ROBO2: variants seen among roughly 807,000 people sequenced by gnomAD.
ROBO2 encodes the protein roundabout guidance receptor 2.
ROBO2 carries 53 observed loss-of-function variants against 160.8 expected under a neutral mutation model. The ratio of observed to expected loss-of-function variants is 0.33; its 90% CI spans 0.26 to 0.41. The LOEUF (loss-of-function observed/expected upper bound fraction) is 0.41. Ranked by LOEUF, ROBO2 falls within the 10% of genes least tolerant of loss-of-function variation. The pLI, the probability that ROBO2 is intolerant of heterozygous loss-of-function variation, is 1.00. For synonymous variants in ROBO2, 664 were observed against 611.7 expected (o/e 1.09, Z -1.26); for missense variants, 1,577 against 1,722.4 (o/e 0.92, Z 1.49).
chr3:76,423,649 C>T (rs1305714906), intron 2 of ROBO2, among the ~76,000 whole-genome samples: 1 of 151,978 alleles, frequency 6.6e-6, no homozygotes, highest in African/African-American at 2.4e-5. Flanking sequence ...AATTTTATAA[C>T]CTGAGAATTT....
At chr3:77,190,434 TA>T (rs1388744950) in intron 2 of ROBO2, among the ~76,000 whole-genome samples, 1 of 152,030 alleles carries the variant, frequency 6.6e-6, no homozygotes, top group Non-Finnish European at 1.5e-5. Flanking sequence ...GAGTGCTCTA[TA>T]AACAGATTCC....
intron 2 of ROBO2, among the ~76,000 whole-genome samples, chr3:76,025,632 C>T (rs1308995435): frequency 6.6e-6 from 1 of 151,662 alleles, no homozygotes; most frequent in African/African-American, 2.4e-5. Context: ...CATTTGTAAA[C>T]TCTAAAAACA....
At chr3:76,177,362 A>G (rs1399438650) in intron 2 of ROBO2, among the ~76,000 whole-genome samples, 1 of 152,198 alleles carries the variant, frequency 6.6e-6, no homozygotes, top group East Asian at 1.9e-4. Flanking sequence ...AAACAATTGG[A>G]CCTAATTCTA....
chr3:75,911,322 T>C (rs1946572011), intron 1 of ROBO2, among the ~76,000 whole-genome samples: 2 of 152,264 alleles, frequency 1.3e-5, no homozygotes, highest in African/African-American at 2.4e-5. Flanking sequence ...TTGTTAGCTA[T>C]ATGAGCTTGA....
At chr3:76,037,754 T>A (rs1026323598) in intron 2 of ROBO2, among the ~76,000 whole-genome samples, 5 of 152,058 alleles carry the variant, frequency 3.3e-5, no homozygotes, top group Non-Finnish European at 7.3e-5. Flanking sequence ...TAAATAATTT[T>A]GTCATTTGAA....
intron 2 of ROBO2, among the ~76,000 whole-genome samples, chr3:76,293,010 T>A (rs997377077): frequency 6.6e-6 from 1 of 151,866 alleles, no homozygotes; most frequent in Non-Finnish European, 1.5e-5. Flanking sequence ...TGTTATAACA[T>A]AAAAATTTTA....
intron 1 of ROBO2, among the ~76,000 whole-genome samples, chr3:77,089,639 AATTT>A (rs1236397317): frequency 6.6e-6 from 1 of 152,204 alleles, no homozygotes; most frequent in Non-Finnish European, 1.5e-5. Context: ...TAATCTTATA[AATTT>A]ATTTAGGCCA....
intron 2 of ROBO2, among the ~76,000 whole-genome samples, chr3:77,015,314 A>G (rs1441919137): frequency 1.3e-5 from 2 of 152,224 alleles, no homozygotes; most frequent in Non-Finnish European, 2.9e-5. Flanking sequence ...ACCAATTTGT[A>G]ATGAAAGAGC....
chr3:77,538,301 CCCGAGT>C (rs2092279279), intron 6 of ROBO2, among the ~76,000 whole-genome samples: 1 of 150,842 alleles, frequency 6.6e-6, no homozygotes, highest in Admixed American at 6.6e-5. Flanking sequence ...GCCTCAGCCT[CCCGAGT>C]AGCTGGGACT....
At chr3:76,032,296 C>CA (rs200947810) in intron 2 of ROBO2, among the ~76,000 whole-genome samples, 2,326 of 151,928 alleles carry the variant, frequency 0.015, 51 homozygotes, top group African/African-American at 0.052. Flanking sequence ...GTTGATCTTT[C>CA]AAAAAAACCA....
At chr3:76,258,298 AT>A (rs912789809) in intron 2 of ROBO2, among the ~76,000 whole-genome samples, 80 of 151,860 alleles carry the variant, frequency 5.3e-4, no homozygotes, top group Middle Eastern at 3.5e-3. Context: ...CTAAGTTCTT[AT>A]TTTTTCTGCA....
At position 77,475,068 on chromosome 3, in the gene ROBO2, T is replaced by TGAGAGAGAGAGA. The variant is rs71104689; in HGVS notation, c.389-2341_389-2330dup. Reference sequence around the variant, plus strand: ...CCTGCTGAAAAGCATGTTTTTCAACTGAGAGAGAGAGAGAGAAGAAACATA... The same window carrying TGAGAGAGAGAGA: ...CCTGCTGAAAAGCATGTTTTTCAACTGAGAGAGAGAGAGAGAGAGAGAGAGAGAAGAAACATA... On this transcript the variant is annotated intron_variant, in intron 2 of 25. Transcript: ENST00000461745. Among the ~76,000 whole-genome samples, 470 of 150,536 alleles carry TGAGAGAGAGAGA rather than the reference T, an allele frequency of 3.1e-3. 3 individuals carry two copies. The highest frequency in any genetic ancestry group is 0.011 in the African/African-American group (455 of 41,060).
At chr3:76,939,979 A>ATTTTTTT (rs71104641) in intron 2 of ROBO2, among the ~76,000 whole-genome samples, 3,367 of 120,274 alleles carry the variant, frequency 0.028, 193 homozygotes, top group Admixed American at 0.065. Context: ...AAGCAACAGG[A>ATTTTTTT]TTTTTTTTTT....
At chr3:76,705,293 A>ATGTATAGCTAATATTAGCTATAT (rs2093136926) in intron 2 of ROBO2, among the ~76,000 whole-genome samples, 1 of 152,148 alleles carries the variant, frequency 6.6e-6, no homozygotes, top group Non-Finnish European at 1.5e-5. Flanking sequence ...GAGTAATACA[A>ATGTATAGCTAATATTAGCTATAT]TGTATAGTAA....
chr3:77,497,813 A>G (rs897470013), intron 5 of ROBO2, among the ~76,000 whole-genome samples: 1 of 152,112 alleles, frequency 6.6e-6, no homozygotes, highest in Non-Finnish European at 1.5e-5. Context: ...TTTTCGTTAT[A>G]TAAATATATT....
intron 2 of ROBO2, among the ~76,000 whole-genome samples, chr3:76,631,998 T>C (rs1458903178): frequency 6.6e-6 from 1 of 152,240 alleles, no homozygotes; most frequent in African/African-American, 2.4e-5. Flanking sequence ...AGCAAACTAC[T>C]GAATAAAAGT....
chr3:77,117,100 G>C (rs975974654), intron 2 of ROBO2, among the ~76,000 whole-genome samples: 5 of 152,154 alleles, frequency 3.3e-5, no homozygotes, highest in Non-Finnish European at 5.9e-5. Context: ...TACACACAAG[G>C]CTGGAATAAG....
chr3:77,294,229 C>G (rs2061714870), intron 2 of ROBO2, among the ~76,000 whole-genome samples: 1 of 139,836 alleles, frequency 7.2e-6, no homozygotes, highest in South Asian at 2.3e-4. Context: ...GAGACTAGAT[C>G]ACCCCGGACA....
chr3:76,304,786 CTT>C (rs1235301552), intron 2 of ROBO2, among the ~76,000 whole-genome samples: 17 of 129,574 alleles, frequency 1.3e-4, no homozygotes, highest in African/African-American at 4.3e-4. Flanking sequence ...TTCTTTCTTT[CTT>C]TCTTTCTTTC....
Sources: gnomAD v4.1 joint callset for allele counts (sites outside exome capture counted in the v4.1 genomes callset) on GRCh38, gnomAD v4.1.1 for gene constraint, MANE v1.5 for transcripts, NCBI Gene and HGNC (gene_info 2026-07-23, HGNC 2026-07-21) for gene names.